Variants in EXOC6B observed in about 807,000 individuals in gnomAD.
EXOC6B encodes the protein SEC15 homolog B.
In EXOC6B, 54 loss-of-function variants were observed where a neutral mutation model predicts 113.5. The observed-to-expected ratio is 0.48, with a 90% CI of 0.38 to 0.60. The LOEUF (loss-of-function observed/expected upper bound fraction) is 0.60. Among genes scored for constraint, EXOC6B ranks in the 20% least tolerant of loss-of-function variants. EXOC6B has a pLI of 0.00. For synonymous variants in EXOC6B, 357 were observed against 339.0 expected, an observed-to-expected ratio of 1.05 and a Z score of -0.58; for missense variants, 797 against 977.5, an observed-to-expected ratio of 0.82 and a Z score of 2.46.
At chr2:72,688,786 C>T (rs1262365522) in intron 6 of EXOC6B, among the ~76,000 whole-genome samples, 2 of 152,312 alleles carry the variant, frequency 1.3e-5, no homozygotes, top group Admixed American at 6.5e-5. Flanking sequence ...CTTATAAGTT[C>T]ACTCTTGAAT....
intron 19 of EXOC6B, among the ~76,000 whole-genome samples, chr2:72,367,634 T>C (rs1297386783): frequency 2.0e-5 from 3 of 152,188 alleles, no homozygotes; most frequent in Admixed American, 1.3e-4. Flanking sequence ...AAAGAGACAT[T>C]GAAGATGGGC....
At chr2:72,397,536 C>A (rs1161867686) in intron 18 of EXOC6B, among the ~76,000 whole-genome samples, 1 of 150,980 alleles carries the variant, frequency 6.6e-6, no homozygotes, top group Non-Finnish European at 1.5e-5. Context: ...AGGAGAATCG[C>A]TTGAGCCCAG....
chr2:72,224,360 C>T (rs1027321502), intron 20 of EXOC6B, among the ~76,000 whole-genome samples: 1 of 152,104 alleles, frequency 6.6e-6, no homozygotes, highest in Non-Finnish European at 1.5e-5. Flanking sequence ...CCTACCACAA[C>T]GATTTCACTC....
intron 18 of EXOC6B, among the ~76,000 whole-genome samples, chr2:72,391,641 A>T (rs1268337584): frequency 6.6e-6 from 1 of 152,186 alleles, no homozygotes; most frequent in Non-Finnish European, 1.5e-5. Context: ...GCTTTGTATC[A>T]TTCTCTTTCT....
chr2:72,541,303 T>C (rs1702588739), intron 8 of EXOC6B, among the ~76,000 whole-genome samples: 1 of 152,192 alleles, frequency 6.6e-6, no homozygotes, highest in Non-Finnish European at 1.5e-5. Flanking sequence ...TTCTTCCCAG[T>C]CTTGGGTTAT....
In EXOC6B at chr2:72,826,001, G is replaced by C; in HGVS notation, c.-91C>G. 6.6e-7 allele frequency: 1 copy of C among 1,509,264 alleles called. No homozygotes were observed. Among genetic ancestry groups the C allele is most frequent in the Non-Finnish European group, 8.9e-7 (1 of 1,126,902 alleles). 93.5% of individuals were successfully genotyped at this position (1,509,264 alleles called of 1,614,324 possible). ...TGCCGCTCCCACCACAGGCTCCACA[G>C]CCGCCCCAGCCTCTGGCTACCCGCA... On this transcript the variant is annotated 5_prime_UTR_variant, in exon 1 of 22. Coordinates refer to ENST00000272427, the MANE Select transcript of EXOC6B (RefSeq NM_015189.3).
chr2:72,589,821 G>A (rs145409373), intron 6 of EXOC6B, among the ~76,000 whole-genome samples: 201 of 150,788 alleles, frequency 1.3e-3, no homozygotes, highest in African/African-American at 4.7e-3. Flanking sequence ...AGTTGACATG[G>A]CATTGAATGG....
intron 6 of EXOC6B, among the ~76,000 whole-genome samples, chr2:72,643,013 T>C (rs1388962858): frequency 6.6e-6 from 1 of 151,906 alleles, no homozygotes; most frequent in African/African-American, 2.4e-5. Flanking sequence ...CATGAAAAAA[T>C]GCTCACCATC....
At chr2:72,357,765 T>C (rs947899592) in intron 19 of EXOC6B, among the ~76,000 whole-genome samples, 1 of 152,108 alleles carries the variant, frequency 6.6e-6, no homozygotes, top group Non-Finnish European at 1.5e-5. Flanking sequence ...AATGTCATAG[T>C]GCAACACATT....
At chr2:72,515,286 C>T (rs1701155984) in intron 8 of EXOC6B, 160 bp from the exon 9 acceptor site, 1 of 840,138 alleles carries the variant, frequency 1.2e-6, no homozygotes, top group Non-Finnish European at 1.8e-6. Flanking sequence ...ATACAAATAA[C>T]TATTACCATG....
intron 7 of EXOC6B, among the ~76,000 whole-genome samples, chr2:72,561,635 TA>T (rs1703891075): frequency 6.6e-6 from 1 of 152,090 alleles, no homozygotes; most frequent in Non-Finnish European, 1.5e-5. Context: ...AAATCTGTGA[TA>T]AATAAGCTAA....
At chr2:72,502,605 A>T (rs1161149144) in intron 11 of EXOC6B, among the ~76,000 whole-genome samples, 2 of 152,204 alleles carry the variant, frequency 1.3e-5, no homozygotes, top group Admixed American at 6.5e-5. Context: ...GAATCCTCAC[A>T]TATTTAAAAA....
chr2:72,430,503 C>A (rs1387823593), intron 18 of EXOC6B, among the ~76,000 whole-genome samples: 1 of 152,096 alleles, frequency 6.6e-6, no homozygotes, highest in Non-Finnish European at 1.5e-5. Flanking sequence ...AAAAATTAGT[C>A]AGGCATGGTG....
At chr2:72,739,227 A>G (rs1435363853) in intron 2 of EXOC6B, among the ~76,000 whole-genome samples, 1 of 152,222 alleles carries the variant, frequency 6.6e-6, no homozygotes, top group East Asian at 1.9e-4. Context: ...ATCCTTGTAC[A>G]TGCACTTACA....
chr2:72,769,069 A>G (rs1683265684), intron 1 of EXOC6B, among the ~76,000 whole-genome samples: 1 of 152,240 alleles, frequency 6.6e-6, no homozygotes, highest in Non-Finnish European at 1.5e-5. Flanking sequence ...ACTTAATGCC[A>G]CTGAACTGTA....
rs143139058 is a variant in EXOC6B at position 72,519,750 on chromosome 2, T to C, written c.916-4624A>G. 7.0e-4 allele frequency among the ~76,000 whole-genome samples: 107 copies of C among 152,304 alleles called. No individual in the cohort carries two copies. The East Asian group carries it at 0.018, about 26-fold the overall frequency. On this transcript the variant is annotated intron_variant, in intron 8 of 21. Transcript: ENST00000272427. Reference sequence around the variant, plus strand: ...AGATTAATAATGATGACTTCTGTACTGGGCATATTTAATTGATGACTTCCA... The same window carrying C: ...AGATTAATAATGATGACTTCTGTACCGGGCATATTTAATTGATGACTTCCA...
chr2:72,650,201 T>C lies in EXOC6B; in HGVS notation c.669+67902A>G, dbSNP rs75256844. On this transcript the variant is annotated intron_variant, in intron 6 of 21. Coordinates refer to ENST00000272427, the MANE Select transcript of EXOC6B (RefSeq NM_015189.3). ...AGAATCCAATGCCTGATGATCTAAG[T>C]TGGAATAGTTTCATCCCGAAACCAT... Among the ~76,000 whole-genome samples the C allele has an allele frequency of 2.6e-3, 397 of 152,356 alleles. 3 individuals are homozygous for C. The highest frequency in any genetic ancestry group is 9.0e-3 in the African/African-American group (373 of 41,582).
chr2:72,761,283 T>C (rs1055690603), intron 1 of EXOC6B, among the ~76,000 whole-genome samples: 4 of 152,234 alleles, frequency 2.6e-5, no homozygotes, highest in Non-Finnish European at 4.4e-5. Context: ...GTTTGGGCTG[T>C]ATAACTTCTT....
chr2:72,383,310 C>A (rs894732295), intron 18 of EXOC6B, among the ~76,000 whole-genome samples: 4 of 151,860 alleles, frequency 2.6e-5, no homozygotes, highest in Non-Finnish European at 5.9e-5. Context: ...AATAAACAAA[C>A]AAACCCCCTT....
Sources: allele counts gnomAD v4.1 joint callset (sites outside exome capture counted in the v4.1 genomes callset), GRCh38; gene constraint gnomAD v4.1.1; transcripts MANE v1.5; gene names NCBI Gene and HGNC (gene_info 2026-07-23, HGNC 2026-07-21).